The following LDB2 variants were observed in gnomAD, a reference collection of about 807,000 sequenced individuals.
LDB2 encodes LIM domain-binding protein 2.
A neutral mutation model predicts 44.3 loss-of-function variants in LDB2; 12 were observed. That is an observed-to-expected ratio of 0.27 (90% CI 0.17 to 0.44). The LOEUF (loss-of-function observed/expected upper bound fraction) is 0.44, where lower values mean the gene tolerates loss of function less well. Among genes scored for constraint, LDB2 ranks in the 20% least tolerant of loss-of-function variants. The pLI is 1.00. For missense variants in LDB2, 344 were observed against 473.5 expected (o/e 0.73, Z 2.54); for synonymous variants, 164 against 174.8 (o/e 0.94, Z 0.49).
At chr4:16,879,050 T>C (rs1719274333) in intron 1 of LDB2, among the ~76,000 whole-genome samples, 1 of 152,352 alleles carries the variant, frequency 6.6e-6, no homozygotes, top group Non-Finnish European at 1.5e-5. Flanking sequence ...CCTTACTTGA[T>C]TGTAAATTTC....
intron 1 of LDB2, among the ~76,000 whole-genome samples, chr4:16,886,095 T>C (rs1365405706): frequency 2.6e-5 from 4 of 152,010 alleles, no homozygotes; most frequent in Non-Finnish European, 5.9e-5. Flanking sequence ...GTCATGTGCC[T>C]GTAGTCCCAG....
chr4:16,621,291 G>T (rs1005933540), intron 2 of LDB2, among the ~76,000 whole-genome samples: 4 of 152,312 alleles, frequency 2.6e-5, no homozygotes, highest in Middle Eastern at 6.8e-3. Flanking sequence ...GATGCATCTT[G>T]TAACATGAGC....
At chr4:16,766,280 A>G (rs552643618) in intron 1 of LDB2, among the ~76,000 whole-genome samples, 7 of 151,744 alleles carry the variant, frequency 4.6e-5, no homozygotes, top group Non-Finnish European at 7.4e-5. Context: ...TTTGTTTTTA[A>G]TATTTTATTT....
intron 1 of LDB2, among the ~76,000 whole-genome samples, chr4:16,785,863 G>GT (rs1774304686): frequency 6.6e-6 from 1 of 152,084 alleles, no homozygotes; most frequent in South Asian, 2.1e-4. Context: ...TGCTTATCCA[G>GT]AAAGGTTAAA....
chr4:16,746,517 T>A (rs886856651), intron 2 of LDB2, among the ~76,000 whole-genome samples: 2 of 152,192 alleles, frequency 1.3e-5, no homozygotes, highest in African/African-American at 4.8e-5. Context: ...CTGGGTGCAG[T>A]GGATCATGCC....
chr4:16,800,888 G>C (rs1185542291), intron 1 of LDB2, among the ~76,000 whole-genome samples: 1 of 152,166 alleles, frequency 6.6e-6, no homozygotes, highest in East Asian at 1.9e-4. Flanking sequence ...TGTTAGCCAG[G>C]ATGGTCTCGA....
intron 2 of LDB2, among the ~76,000 whole-genome samples, chr4:16,678,579 C>T (rs1472811249): frequency 2.4e-4 from 37 of 152,134 alleles, no homozygotes; most frequent in Admixed American, 2.4e-3. Context: ...CCCCTCCACA[C>T]TTTACCCCAA....
In LDB2 at chr4:16,595,809, T is replaced by C. The variant is rs749400142; in HGVS notation, c.302A>G (p.Tyr101Cys). Residue 101 changes from tyrosine to cysteine, a missense_variant, in exon 3 of 8, where the codon TAT (tyrosine) becomes TGT (cysteine). By Grantham distance (194) the Tyr-to-Cys change is radical. Around this residue, in one of 3 missense-constraint regions of LDB2, gnomAD observed 226 missense variants for 270.1 expected, o/e 0.84. Transcript: ENST00000304523. ...TVFEGGVTDL[Y>C]YILKHSKESY... ...CTCTTTCGAGTGTTTGAGAATGTAA[T>C]ACAGGTCGGTCACCCCTCCTTCAAA... The C allele has an allele frequency of 1.9e-6, 3 of 1,613,596 alleles. No individual in the cohort carries two copies. Among genetic ancestry groups the C allele is most frequent in the South Asian group, 1.1e-5 (1 of 91,034 alleles).
intron 1 of LDB2, among the ~76,000 whole-genome samples, chr4:16,854,375 G>A (rs1164449518): frequency 6.8e-6 from 1 of 146,078 alleles, no homozygotes; most frequent in African/African-American, 2.8e-5. Flanking sequence ...ATTCTGTTGT[G>A]GGTTCTTCCC....
At chr4:16,826,506 C>T (rs1291039456) in intron 1 of LDB2, 1 of 152,170 alleles carries the variant, frequency 6.6e-6, no homozygotes, top group Non-Finnish European at 1.5e-5. Context: ...TGAATATTCA[C>T]CAGTAAATGA....
At chr4:16,742,867 C>T (rs926400152) in intron 2 of LDB2, among the ~76,000 whole-genome samples, 1 of 152,170 alleles carries the variant, frequency 6.6e-6, no homozygotes, top group Non-Finnish European at 1.5e-5. Context: ...CCGTTTCTAC[C>T]TCACTGCCCC....
At chr4:16,863,104 C>T (rs918533097) in intron 1 of LDB2, among the ~76,000 whole-genome samples, 2 of 152,168 alleles carry the variant, frequency 1.3e-5, no homozygotes, top group African/African-American at 2.4e-5. Context: ...GTTAAGTGAA[C>T]GAGTCCTTAA....
At chr4:16,791,247 A>AAACAAC (rs1252054633) in intron 1 of LDB2, among the ~76,000 whole-genome samples, 125 of 152,138 alleles carry the variant, frequency 8.2e-4, no homozygotes, top group African/African-American at 2.9e-3. Context: ...TACAAAACCA[A>AAACAAC]AACAACAACA....
At chr4:16,878,625 A>G (rs1719115555) in intron 1 of LDB2, among the ~76,000 whole-genome samples, 1 of 152,224 alleles carries the variant, frequency 6.6e-6, no homozygotes, top group Non-Finnish European at 1.5e-5. Flanking sequence ...AATTAAAACA[A>G]AAACCTAAAA....
At chr4:16,794,553 G>A (rs1014028745) in intron 1 of LDB2, among the ~76,000 whole-genome samples, 3 of 151,890 alleles carry the variant, frequency 2.0e-5, no homozygotes, top group Admixed American at 6.6e-5. Context: ...TGTGACTTTG[G>A]GTCTGTTACT....
intron 1 of LDB2, among the ~76,000 whole-genome samples, chr4:16,763,775 T>C (rs1178522064): frequency 2.0e-5 from 3 of 152,208 alleles, no homozygotes; most frequent in Non-Finnish European, 2.9e-5. Context: ...ACTTATGTCC[T>C]TAACTTCTAT....
chr4:16,545,129 G>A (rs371115686), intron 5 of LDB2, among the ~76,000 whole-genome samples: 1 of 150,000 alleles, frequency 6.7e-6, no homozygotes, highest in East Asian at 2.0e-4. Context: ...CCTCCCTCCC[G>A]CTCCTTTTCT....
rs575007225 is a variant in LDB2, at chr4:16,756,180, C to T, written c.235+2978G>A. On this transcript the variant is annotated intron_variant, in intron 2 of 7. Transcript: ENST00000304523. ...ATCAGAACAGCCAGATGTGGTGGCT[C>T]ATGCCTGTAATCCCAGCACTTTGGG... is the stretch of plus-strand genomic sequence containing the variant. Among the ~76,000 whole-genome samples, 385 of 152,304 alleles carry T rather than the reference C, an allele frequency of 2.5e-3. 3 individuals carry two copies. The highest frequency in any genetic ancestry group is 9.0e-3 in the African/African-American group (374 of 41,570).
intron 2 of LDB2, among the ~76,000 whole-genome samples, chr4:16,742,134 C>A (rs1014702549): frequency 7.0e-6 from 1 of 142,162 alleles, no homozygotes; most frequent in African/African-American, 2.7e-5. Context: ...TTCAGTGGCA[C>A]AATCTCGGCT....
Sources: gnomAD v4.1 joint callset for allele counts (sites outside exome capture counted in the v4.1 genomes callset) on GRCh38, gnomAD v4.1.1 for gene constraint, gnomAD v4.1.1 regional missense constraint, MANE v1.5 for transcripts, NCBI Gene and HGNC (gene_info 2026-07-23, HGNC 2026-07-21) for gene names.